Variants in CLDN10 observed in about 807,000 individuals in gnomAD.
CLDN10 encodes the protein claudin-10.
Under a neutral mutation model 22.9 loss-of-function variants are expected in CLDN10, and 15 were observed. The ratio of observed to expected loss-of-function variants is 0.65; its 90% CI spans 0.44 to 1.01. CLDN10 has a LOEUF of 1.01. Ranked by LOEUF, CLDN10 falls within the 50% of genes least tolerant of loss-of-function variation. The probability of loss-of-function intolerance (pLI) is 0.00; values close to 1 mark genes in which losing one functional copy is unlikely to be tolerated. For missense variants in CLDN10, 247 were observed against 287.8 expected, an observed-to-expected ratio of 0.86 and a Z score of 1.03; for synonymous variants, 114 against 111.4, an observed-to-expected ratio of 1.02 and a Z score of -0.15.
intron 1 of CLDN10, among the ~76,000 whole-genome samples, chr13:95,520,574 T>C (rs984648480): frequency 2.6e-5 from 4 of 152,178 alleles, no homozygotes; most frequent in African/African-American, 7.2e-5. Context: ...GATTTCACCA[T>C]GTTGGTCAGG....
At chr13:95,443,072 T>C (rs1014839193) in intron 1 of CLDN10, among the ~76,000 whole-genome samples, 10 of 152,206 alleles carry the variant, frequency 6.6e-5, no homozygotes, top group African/African-American at 1.9e-4. Flanking sequence ...CTCTAAAGTC[T>C]CCATTTTATA....
intron 1 of CLDN10, among the ~76,000 whole-genome samples, chr13:95,453,455 G>T (rs1357245722): frequency 6.6e-6 from 1 of 152,112 alleles, no homozygotes; most frequent in Non-Finnish European, 1.5e-5. Flanking sequence ...GGCTGAGGCA[G>T]GTGGATCACC....
rs73563346 is a variant in CLDN10 at position 95,497,453 on chromosome 13, C to T, written c.215-62679C>T. ...CTCAGTGCCAGGACTCTGTGCCAAC[C>T]GCCACAGCCCTGACAGGAAGCAGAG... is the stretch of plus-strand genomic sequence containing the variant. On this transcript the variant is annotated intron_variant, in intron 1 of 4. Transcript: ENST00000376873. 2.7e-3 allele frequency among the ~76,000 whole-genome samples: 408 copies of T among 152,240 alleles called. 2 individuals are homozygous for T. Among genetic ancestry groups the T allele is most frequent in the African/African-American group, 9.4e-3 (390 of 41,560 alleles).
At chr13:95,548,415 A>G (rs1458169455), upstream of CLDN10, among the ~76,000 whole-genome samples, 2 of 152,236 alleles carry the variant, frequency 1.3e-5, no homozygotes, top group Non-Finnish European at 1.5e-5. Flanking sequence ...AAATATTCTG[A>G]TGGAGTACAA....
At chr13:95,440,853 C>T (rs1466449177) in intron 1 of CLDN10, among the ~76,000 whole-genome samples, 2 of 152,258 alleles carry the variant, frequency 1.3e-5, no homozygotes, top group African/African-American at 4.8e-5. Context: ...CCTAGCCTTA[C>T]AGTGGTGAAG....
At chr13:95,555,794 T>C (rs1235239612) in intron 1 of CLDN10, among the ~76,000 whole-genome samples, 16 of 152,146 alleles carry the variant, frequency 1.1e-4, no homozygotes. Context: ...GCTTCCAGGG[T>C]AGGGGCCCTC....
At chr13:95,444,562 T>C (rs2139069867) in intron 1 of CLDN10, among the ~76,000 whole-genome samples, 1 of 152,272 alleles carries the variant, frequency 6.6e-6, no homozygotes, top group Admixed American at 6.5e-5. Context: ...GACGGTTAAG[T>C]TCAGGGGGAC....
upstream of CLDN10, among the ~76,000 whole-genome samples, chr13:95,548,548 T>C (rs1349383426): frequency 6.6e-6 from 1 of 152,236 alleles, no homozygotes; most frequent in African/African-American, 2.4e-5. Flanking sequence ...CTGTTCATTC[T>C]GTAACTATTC....
intron 1 of CLDN10, among the ~76,000 whole-genome samples, chr13:95,466,549 G>T (rs1172416470): frequency 6.6e-6 from 1 of 152,020 alleles, no homozygotes; most frequent in East Asian, 1.9e-4. Context: ...ATATGACAAA[G>T]TAAATGGGAA....
chr13:95,449,087 C>T (rs1396982060), intron 1 of CLDN10, among the ~76,000 whole-genome samples: 1 of 152,026 alleles, frequency 6.6e-6, no homozygotes, highest in Non-Finnish European at 1.5e-5. Flanking sequence ...GGTCTCCCAG[C>T]TTGGAGTCTG....
At chr13:95,496,967 G>C (rs1240709596) in intron 1 of CLDN10, 2 of 152,116 alleles carry the variant, frequency 1.3e-5, no homozygotes, top group African/African-American at 2.4e-5. Flanking sequence ...CTCAATCCCA[G>C]CTCCACCACT....
chr13:95,471,799 C>G (rs36064297), intron 1 of CLDN10, among the ~76,000 whole-genome samples: 70,000 of 151,510 alleles, frequency 0.46, 16,226 homozygotes, highest in Middle Eastern at 0.53. Context: ...TTGTCACCAG[C>G]CTGGAGTGCA....
chr13:95,572,647 G>A (rs935314129), intron 3 of CLDN10, among the ~76,000 whole-genome samples: 1 of 152,104 alleles, frequency 6.6e-6, no homozygotes, highest in African/African-American at 2.4e-5. Context: ...GGAGAACCAC[G>A]GTAATGTTTA....
chr13:95,453,017 C>G (rs758708699), intron 1 of CLDN10, among the ~76,000 whole-genome samples: 2 of 152,140 alleles, frequency 1.3e-5, no homozygotes, highest in African/African-American at 2.4e-5. Flanking sequence ...ACAGGTCTTG[C>G]CTTCCTATTT....
chr13:95,487,100 C>T (rs2042812911), intron 1 of CLDN10, among the ~76,000 whole-genome samples: 2 of 152,218 alleles, frequency 1.3e-5, no homozygotes, highest in African/African-American at 4.8e-5. Context: ...CTGCATCTAT[C>T]TCCTGATTAA....
intron 1 of CLDN10, among the ~76,000 whole-genome samples, chr13:95,529,347 G>C (rs922240447): frequency 4.6e-5 from 7 of 151,548 alleles, no homozygotes; most frequent in Non-Finnish European, 7.4e-5. Context: ...CTTCTAGTTA[G>C]GAGTAAGATT....
intron 3 of CLDN10, among the ~76,000 whole-genome samples, chr13:95,568,152 A>C (rs1272888367): frequency 6.6e-6 from 1 of 152,298 alleles, no homozygotes; most frequent in South Asian, 2.1e-4. Context: ...TGTTTATTTA[A>C]GTTTACTCCA....
chr13:95,539,908 A>C (rs557793175), intron 1 of CLDN10, among the ~76,000 whole-genome samples: 1 of 152,272 alleles, frequency 6.6e-6, no homozygotes, highest in East Asian at 1.9e-4. Context: ...TAATATCAGC[A>C]CTTTGGGAGG....
rs187986219 is a variant in CLDN10, at chr13:95,438,973, C to T, written c.214+4926C>T. On this transcript the variant is annotated intron_variant, in intron 1 of 4. Transcript: ENST00000376873. ...CCTGGGTGACAGAGCAAGACTCCAT[C>T]GCAAAAAAAAAAAAAAAAAAAAAAA... Among the ~76,000 whole-genome samples the T allele has an allele frequency of 5.5e-3, 483 of 87,730 alleles. 4 individuals are homozygous for T. Among genetic ancestry groups the T allele is most frequent in the African/African-American group, 0.022 (466 of 21,276 alleles). The allele number at this position is 87,730 out of a possible 152,430, so 57.6% of individuals were successfully genotyped here. A position where few individuals can be genotyped will look rare whatever the true frequency, so the allele number is the denominator to read the frequency against.
Sources: gnomAD v4.1 joint callset for allele counts (sites outside exome capture counted in the v4.1 genomes callset) on GRCh38, gnomAD v4.1.1 for gene constraint, MANE v1.5 for transcripts, NCBI Gene and HGNC (gene_info 2026-07-23, HGNC 2026-07-21) for gene names.